Variants in JAK2 observed in about 807,000 individuals in gnomAD.
The protein encoded by JAK2 is Janus kinase 2.
Under a neutral mutation model 139.3 loss-of-function variants are expected in JAK2, and 86 were observed. The ratio of observed to expected loss-of-function variants is 0.62; its 90% CI spans 0.52 to 0.74. The LOEUF (loss-of-function observed/expected upper bound fraction) is 0.74, where lower values mean the gene tolerates loss of function less well. JAK2 is among the 30% of genes least tolerant of loss of function. JAK2 has a pLI of 0.00. For synonymous variants in JAK2, 490 were observed against 437.7 expected, an observed-to-expected ratio of 1.12 and a Z score of -1.49; for missense variants, 1,421 against 1,360.3, an observed-to-expected ratio of 1.04 and a Z score of -0.70.
chr9:5,091,824 C>G (rs924966951), intron 22 of JAK2, among the ~76,000 whole-genome samples: 1 of 151,984 alleles, frequency 6.6e-6, no homozygotes, highest in East Asian at 1.9e-4. Context: ...AGTTAAATGT[C>G]TATAATGGGT....
chr9:5,034,768 G>C (rs934836695), intron 4 of JAK2, among the ~76,000 whole-genome samples: 1 of 151,754 alleles, frequency 6.6e-6, no homozygotes, highest in Non-Finnish European at 1.5e-5. Context: ...TAGCACTAAA[G>C]GCCCACAAGA....
intron 9 of JAK2, among the ~76,000 whole-genome samples, chr9:5,066,205 T>G (rs1213456124): frequency 6.6e-6 from 1 of 152,140 alleles, no homozygotes; most frequent in Non-Finnish European, 1.5e-5. Flanking sequence ...AAACCAGTAG[T>G]CTTTGTCAGT....
intron 22 of JAK2, chr9:5,112,574 G>A (rs1028757426): frequency 1.0e-5 from 7 of 668,240 alleles, no homozygotes; most frequent in Middle Eastern, 3.1e-4. Context: ...GAGCGGCTGC[G>A]GGTCCCTTAA....
intron 4 of JAK2, among the ~76,000 whole-genome samples, chr9:5,032,872 A>G (rs1823272842): frequency 6.6e-6 from 1 of 152,276 alleles, no homozygotes; most frequent in Non-Finnish European, 1.5e-5. Flanking sequence ...GCTCCTTACC[A>G]GCAACGGAAC....
intron 2 of JAK2, among the ~76,000 whole-genome samples, chr9:4,997,878 T>C (rs572920470): frequency 6.6e-6 from 1 of 152,348 alleles, no homozygotes; most frequent in East Asian, 1.9e-4. Context: ...TCCATGTTTA[T>C]GTATTTCTTA....
intron 2 of JAK2, among the ~76,000 whole-genome samples, chr9:4,999,790 T>C (rs1188312787): frequency 1.3e-5 from 2 of 152,224 alleles, no homozygotes; most frequent in Non-Finnish European, 1.5e-5. Context: ...GTTGGCTAAG[T>C]TGCCACAATT....
At chr9:5,047,739 G>A (rs1170822369) in intron 5 of JAK2, among the ~76,000 whole-genome samples, 2 of 152,234 alleles carry the variant, frequency 1.3e-5, no homozygotes, top group South Asian at 2.1e-4. Flanking sequence ...CTAGGTACAG[G>A]TGTGTGCCAC....
chr9:5,124,135 A>G (rs987678887), intron 23 of JAK2, among the ~76,000 whole-genome samples: 1 of 151,732 alleles, frequency 6.6e-6, no homozygotes, highest in African/African-American at 2.4e-5. Context: ...AAAGTTTGCA[A>G]ATATTTTCTC....
chr9:5,073,534 G>A (rs1299035684), intron 13 of JAK2, among the ~76,000 whole-genome samples, 164 bp from the exon 14 acceptor site: 5 of 152,132 alleles, frequency 3.3e-5, no homozygotes, highest in Admixed American at 3.3e-4. Flanking sequence ...GAACGTTGAT[G>A]GCAGTTGCAG....
At chr9:5,060,635 C>G (rs1471708378) in intron 8 of JAK2, among the ~76,000 whole-genome samples, 3 of 152,204 alleles carry the variant, frequency 2.0e-5, no homozygotes, top group Admixed American at 2.0e-4. Flanking sequence ...CTTGCTATTT[C>G]TACCACATCC....
At chr9:5,062,413 C>T (rs181934816) in intron 8 of JAK2, among the ~76,000 whole-genome samples, 3 of 138,956 alleles carry the variant, frequency 2.2e-5, no homozygotes, top group East Asian at 4.5e-4. Flanking sequence ...AAACATGACA[C>T]ATAGGAAGTA....
At chr9:5,005,638 C>A (rs965934581) in intron 2 of JAK2, among the ~76,000 whole-genome samples, 1 of 151,840 alleles carries the variant, frequency 6.6e-6, no homozygotes, top group Non-Finnish European at 1.5e-5. Context: ...TTTTCATGTC[C>A]TTACATATTT....
intron 2 of JAK2, among the ~76,000 whole-genome samples, chr9:5,003,671 C>A (rs1821076848): frequency 2.0e-5 from 3 of 151,966 alleles, no homozygotes. Context: ...TTTACTTATC[C>A]TTTCTAATCA....
intron 22 of JAK2, among the ~76,000 whole-genome samples, chr9:5,103,326 G>T (rs941803008): frequency 7.1e-6 from 1 of 141,442 alleles, no homozygotes; most frequent in Non-Finnish European, 1.5e-5. Flanking sequence ...GACAAAAAAG[G>T]CCATTACATA....
At chr9:5,027,557 G>A (rs1822859008) in intron 3 of JAK2, among the ~76,000 whole-genome samples, 1 of 152,112 alleles carries the variant, frequency 6.6e-6, no homozygotes, top group Admixed American at 6.6e-5. Flanking sequence ...AATGAAGGTT[G>A]CTGCATCAGT....
At chr9:5,011,457 T>C (rs981617555) in intron 2 of JAK2, among the ~76,000 whole-genome samples, 1 of 152,204 alleles carries the variant, frequency 6.6e-6, no homozygotes, top group Non-Finnish European at 1.5e-5. Flanking sequence ...CCCAAAATGT[T>C]GGGATTAAAG....
chr9:5,002,424 A>G (rs1386722799), intron 2 of JAK2, among the ~76,000 whole-genome samples: 1 of 151,960 alleles, frequency 6.6e-6, no homozygotes, highest in East Asian at 1.9e-4. Flanking sequence ...TAATTTTGCA[A>G]TACTGGGAGA....
intron 2 of JAK2, among the ~76,000 whole-genome samples, chr9:5,002,816 A>G (rs1821003358): frequency 6.6e-6 from 1 of 151,966 alleles, no homozygotes; most frequent in Admixed American, 6.6e-5. Flanking sequence ...ATTTAAGAAG[A>G]GTAATTTATA....
intron 22 of JAK2, among the ~76,000 whole-genome samples, chr9:5,120,408 T>G (rs1300085294): frequency 6.6e-6 from 1 of 152,226 alleles, no homozygotes; most frequent in Admixed American, 6.5e-5. Context: ...TTCACAGGAT[T>G]TTGCCCATGA....
Sources: allele counts gnomAD v4.1 joint callset (sites outside exome capture counted in the v4.1 genomes callset), GRCh38; gene constraint gnomAD v4.1.1; transcripts MANE v1.5; gene names NCBI Gene and HGNC (gene_info 2026-07-23, HGNC 2026-07-21).